Variants in HNRNPC observed in about 807,000 individuals in gnomAD.
The protein encoded by HNRNPC is heterogeneous nuclear ribonucleoproteins C1/C2.
A neutral mutation model predicts 33.2 loss-of-function variants in HNRNPC; 3 were observed. The observed-to-expected ratio is 0.09, with a 90% CI of 0.04 to 0.23. The LOEUF (loss-of-function observed/expected upper bound fraction) is 0.23. HNRNPC is among the 10% of genes least tolerant of loss of function. The pLI is 1.00. For missense variants in HNRNPC, 143 were observed against 366.7 expected (o/e 0.39, Z 4.98); for synonymous variants, 121 against 126.7 (o/e 0.96, Z 0.30).
At chr14:21,254,458 T>C (rs1351050238) in intron 2 of HNRNPC, 1 of 152,182 alleles carries the variant, frequency 6.6e-6, no homozygotes, top group African/African-American at 2.4e-5. Context: ...ACACCCCAAA[T>C]GTTATCTTTG....
intron 1 of HNRNPC, among the ~76,000 whole-genome samples, chr14:21,266,530 G>T (rs1394541428): frequency 2.0e-5 from 3 of 151,604 alleles, no homozygotes; most frequent in Non-Finnish European, 4.4e-5. Context: ...GATAGTAAAT[G>T]TACCAAAGAA....
At chr14:21,214,746 G>C (rs927607381) in intron 5 of HNRNPC, among the ~76,000 whole-genome samples, 10 of 152,130 alleles carry the variant, frequency 6.6e-5, no homozygotes, top group Non-Finnish European at 1.0e-4. Flanking sequence ...CCAAAATCTT[G>C]CAAAGTATAA....
At chr14:21,240,999 G>A (rs547439513) in intron 2 of HNRNPC, among the ~76,000 whole-genome samples, 4 of 152,190 alleles carry the variant, frequency 2.6e-5, no homozygotes, top group East Asian at 1.9e-4. Context: ...GGCCAGGTGC[G>A]AAGGCTCACG....
rs754297507 is a variant in HNRNPC, at chr14:21,231,192, T to C, written c.242-120A>G. 5.0e-4 allele frequency: 470 copies of C among 947,646 alleles called. 2 individuals are homozygous for C. The highest frequency in any genetic ancestry group is 5.2e-4 in the Non-Finnish European group (322 of 618,960). 58.7% of individuals were successfully genotyped at this position (947,646 alleles called of 1,614,324 possible). A position where few individuals can be genotyped will look rare whatever the true frequency, so the allele number is the denominator to read the frequency against. On this transcript the variant is annotated intron_variant, in intron 3 of 8. Coordinates refer to ENST00000553300, the MANE Select transcript of HNRNPC (RefSeq NM_004500.4). The stretch of plus-strand genomic sequence containing the variant: ...CTTTCTCGCTCAGGCTGGAGTGCAG[T>C]GGTGTCACCTTGGCTCACTGAAACC...
At chr14:21,242,988 G>A (rs1415164132) in intron 2 of HNRNPC, among the ~76,000 whole-genome samples, 1 of 152,148 alleles carries the variant, frequency 6.6e-6, no homozygotes, top group Admixed American at 6.5e-5. Context: ...AGCTGGGTGT[G>A]GTGGCACATA....
At position 21,252,989 on chromosome 14, in the gene HNRNPC, C is replaced by T. The variant is rs143354993; in HGVS notation, c.-37+10322G>A. On this transcript the variant is annotated intron_variant, in intron 2 of 8. Coordinates refer to ENST00000553300, the MANE Select transcript of HNRNPC (RefSeq NM_004500.4). ...AAGAGATCAAGACCATCCTGGCCAA[C>T]ATGGTGAAACCCCATCTCTACTAAA... Among the ~76,000 whole-genome samples the T allele has an allele frequency of 8.8e-3, 1,332 of 150,840 alleles. 19 individuals carry two copies. Among genetic ancestry groups the T allele is most frequent in the African/African-American group, 0.031 (1,271 of 41,014 alleles).
At chr14:21,231,123 C>CA (rs750225426) in intron 3 of HNRNPC, 51 bp from the exon 4 acceptor site, 6 of 1,530,206 alleles carry the variant, frequency 3.9e-6, no homozygotes, top group African/African-American at 1.4e-5. Flanking sequence ...CCGGGTAAAA[C>CA]AAACTACAAA....
intron 2 of HNRNPC, among the ~76,000 whole-genome samples, chr14:21,253,452 A>G (rs1399756602): frequency 2.5e-5 from 3 of 119,670 alleles, no homozygotes; most frequent in Non-Finnish European, 5.0e-5. Context: ...CAACCTCTAG[A>G]CTCCATCTCA....
intron 1 of HNRNPC, chr14:21,265,658 A>T (rs1296376801): frequency 6.6e-6 from 1 of 152,158 alleles, no homozygotes; most frequent in African/African-American, 2.4e-5. Context: ...AAAATACAAA[A>T]AATTAGCAGC....
chr14:21,268,417 T>G (rs1319246423), intron 1 of HNRNPC, among the ~76,000 whole-genome samples: 1 of 152,198 alleles, frequency 6.6e-6, no homozygotes, highest in Non-Finnish European at 1.5e-5. Context: ...AGTTACCTCG[T>G]GGTTTCCGTC....
intron 1 of HNRNPC, chr14:21,264,830 C>T (rs1229040090): frequency 6.6e-6 from 1 of 152,068 alleles, no homozygotes; most frequent in Non-Finnish European, 1.5e-5. Flanking sequence ...TAGTTTGAGA[C>T]CAGCCTGGGA....
chr14:21,233,224 C>G (rs1489903996), intron 3 of HNRNPC, among the ~76,000 whole-genome samples: 1 of 151,908 alleles, frequency 6.6e-6, no homozygotes, highest in Non-Finnish European at 1.5e-5. Flanking sequence ...TGAAATAGAC[C>G]CAAATTATGT....
At chr14:21,230,098 C>T (rs78626856) in intron 5 of HNRNPC, among the ~76,000 whole-genome samples, 2,083 of 152,188 alleles carry the variant, frequency 0.014, 27 homozygotes, top group Non-Finnish European at 0.022. Flanking sequence ...TTAGTAGAAA[C>T]GGGTTTCACC....
Position 21,209,751 on chromosome 14 carries a change from C to A in HNRNPC, c.*1472G>T, listed in dbSNP as rs1246453724. On this transcript the variant is annotated 3_prime_UTR_variant, in exon 9 of 9. Transcript: ENST00000553300. ...AACAATAGCAACTTTACAGGGGAATCCAAGGTTTGTGTGCACAAAAATTAT... is the reference window on the plus strand; with the variant it reads ...AACAATAGCAACTTTACAGGGGAATACAAGGTTTGTGTGCACAAAAATTAT... 1 of 152,140 alleles carries A rather than the reference C, an allele frequency of 6.6e-6. No individual in the cohort carries two copies. Among genetic ancestry groups the A allele is most frequent in the Non-Finnish European group, 1.5e-5 (1 of 68,030 alleles). The allele number at this position is 152,140 out of a possible 1,614,324, so 9.4% of individuals were successfully genotyped here.
intron 5 of HNRNPC, among the ~76,000 whole-genome samples, chr14:21,228,487 G>A (rs1333444604): frequency 1.3e-5 from 2 of 152,056 alleles, no homozygotes; most frequent in Admixed American, 1.3e-4. Flanking sequence ...CACCTCCCGG[G>A]ATCAAGCAAT....
rs185434947 is a variant in HNRNPC, at chr14:21,221,855, G to A, written c.365+8464C>T. Among the ~76,000 whole-genome samples the A allele has an allele frequency of 1.4e-4, 21 of 151,970 alleles. 1 individual carries two copies. The highest frequency in any genetic ancestry group is 4.8e-4 in the African/African-American group (20 of 41,420). On this transcript the variant is annotated intron_variant, in intron 5 of 8. Transcript: ENST00000553300. ...GAGGTCAGGAGATCAAGACCATCCT[G>A]GCAAACATGGTGAAACCACGTCTCT...
intron 2 of HNRNPC, chr14:21,236,448 G>C (rs1401200500): frequency 6.6e-6 from 1 of 152,164 alleles, no homozygotes; most frequent in Non-Finnish European, 1.5e-5. Flanking sequence ...TCCACTCTTA[G>C]TAACGTGTCC....
At position 21,211,152 on chromosome 14, in the gene HNRNPC, A is replaced by C. The variant is rs1044129524; in HGVS notation, c.*71T>G. On this transcript the variant is annotated 3_prime_UTR_variant, in exon 9 of 9. Transcript: ENST00000553300. ...AGATACTAGGGGAGAGGATCTGGTGAAAAATTTGATCTTAGACAAGCGCCT... is the reference window on the plus strand; with the variant it reads ...AGATACTAGGGGAGAGGATCTGGTGCAAAATTTGATCTTAGACAAGCGCCT... The C allele has an allele frequency of 2.6e-5, 39 of 1,472,878 alleles. No individual in the cohort carries two copies. The highest frequency in any genetic ancestry group is 4.2e-5 in the African/African-American group (3 of 71,924). 91.2% of individuals were successfully genotyped at this position (1,472,878 alleles called of 1,614,324 possible). A position where few individuals can be genotyped will look rare whatever the true frequency, so the allele number is the denominator to read the frequency against.
chr14:21,213,296 T>C, intron 5 of HNRNPC, 179 bp from the exon 6 acceptor site: 2 of 605,700 alleles, frequency 3.3e-6, no homozygotes, highest in Non-Finnish European at 5.7e-6. Flanking sequence ...TCCCATTATT[T>C]CTTTACCTAG....
Sources: allele counts gnomAD v4.1 joint callset (sites outside exome capture counted in the v4.1 genomes callset), GRCh38; gene constraint gnomAD v4.1.1; transcripts MANE v1.5; gene names NCBI Gene and HGNC (gene_info 2026-07-23, HGNC 2026-07-21).